RANBP3: variants seen among roughly 807,000 people sequenced by gnomAD.
RANBP3 encodes the protein RAN binding protein 3, also known as ran-binding protein 3.
A neutral mutation model predicts 77.3 loss-of-function variants in RANBP3; 14 were observed. That is an observed-to-expected ratio of 0.18 (90% CI 0.12 to 0.28). The LOEUF (loss-of-function observed/expected upper bound fraction) is 0.28, where lower values mean the gene tolerates loss of function less well. Among genes scored for constraint, RANBP3 ranks in the 10% least tolerant of loss-of-function variants. The pLI, the probability that RANBP3 is intolerant of heterozygous loss-of-function variation, is 1.00. For synonymous variants in RANBP3, 315 were observed against 312.4 expected, an observed-to-expected ratio of 1.01 and a Z score of -0.09; for missense variants, 586 against 752.3, an observed-to-expected ratio of 0.78 and a Z score of 2.59.
At chr19:5,962,133 A>G (rs2058411480) in intron 1 of RANBP3, among the ~76,000 whole-genome samples, 1 of 151,846 alleles carries the variant, frequency 6.6e-6, no homozygotes, top group African/African-American at 2.4e-5. Flanking sequence ...ACACCGCATC[A>G]ACACCCTGCA....
At chr19:5,974,103 T>C (rs1202760965) in intron 1 of RANBP3, among the ~76,000 whole-genome samples, 1 of 151,338 alleles carries the variant, frequency 6.6e-6, no homozygotes, top group Non-Finnish European at 1.5e-5. Flanking sequence ...TGAGGGGAGG[T>C]GTGTGCTACT....
intron 3 of RANBP3, among the ~76,000 whole-genome samples, chr19:5,946,329 T>C (rs559661860): frequency 2.0e-5 from 3 of 152,200 alleles, no homozygotes; most frequent in African/African-American, 7.2e-5. Context: ...TCCTCCACCA[T>C]GTCCCCTTCA....
At chr19:5,967,773 C>G (rs1048233884) in intron 1 of RANBP3, among the ~76,000 whole-genome samples, 14 of 152,194 alleles carry the variant, frequency 9.2e-5, no homozygotes, top group African/African-American at 2.9e-4. Context: ...GTAATCCCAG[C>G]ACGTTGGGAG....
intron 15 of RANBP3, 109 bp downstream of exon 15, chr19:5,918,387 A>AGGGGGGGGGGGCGGGG: frequency 1.9e-6 from 1 of 529,918 alleles, no homozygotes; most frequent in East Asian, 5.3e-5. Context: ...AAGCAACTGA[A>AGGGGGGGGGGGCGGGG]GCCCCTCCCC....
At chr19:5,928,787 A>G (rs1419199086) in intron 8 of RANBP3, among the ~76,000 whole-genome samples, 1 of 152,166 alleles carries the variant, frequency 6.6e-6, no homozygotes, top group African/African-American at 2.4e-5. Context: ...GTAACTAAAT[A>G]TCCTAAGACC....
Position 5,918,477 on chromosome 19 carries a change from A to G in RANBP3, c.1473+19T>C. 6.6e-7 allele frequency: 1 copy of G among 1,517,424 alleles called. No homozygotes were observed. The highest frequency in any genetic ancestry group is 8.9e-7 in the Non-Finnish European group (1 of 1,125,884). 94.0% of individuals were successfully genotyped at this position (1,517,424 alleles called of 1,614,324 possible). On this transcript the variant is annotated intron_variant, in intron 15 of 16. Coordinates refer to ENST00000340578, the MANE Select transcript of RANBP3 (RefSeq NM_007322.3). ...TGGCAGGATGAGGGGTCCCAGATGC[A>G]CCCGCGTGGCTGGCTCACCGAGATC...
chr19:5,960,873 G>A (rs1345572578), intron 1 of RANBP3, among the ~76,000 whole-genome samples: 1 of 152,224 alleles, frequency 6.6e-6, no homozygotes, highest in Non-Finnish European at 1.5e-5. Flanking sequence ...CCCTCTGATG[G>A]AGCAACCCTG....
At chr19:5,949,327 CTAAAA>C (rs2058246731) in intron 3 of RANBP3, among the ~76,000 whole-genome samples, 2 of 152,206 alleles carry the variant, frequency 1.3e-5, no homozygotes, top group African/African-American at 4.8e-5. Flanking sequence ...CCTAACTAAC[CTAAAA>C]TAAAGTTTAC....
At chr19:5,965,978 C>T (rs560873544) in intron 1 of RANBP3, 4 of 152,302 alleles carry the variant, frequency 2.6e-5, no homozygotes, top group Admixed American at 6.5e-5. Context: ...GAGGTGGGCC[C>T]GGGTCTTCGG....
intron 1 of RANBP3, among the ~76,000 whole-genome samples, chr19:5,975,973 G>A (rs1342476984): frequency 6.6e-6 from 1 of 152,134 alleles, no homozygotes; most frequent in South Asian, 2.1e-4. Flanking sequence ...GGCCCACTAT[G>A]GGCTGAGAAG....
At chr19:5,975,378 T>C (rs769325117) in intron 1 of RANBP3, among the ~76,000 whole-genome samples, 11 of 152,144 alleles carry the variant, frequency 7.2e-5, no homozygotes, top group Non-Finnish European at 1.6e-4. Context: ...CTATCCCATT[T>C]ACAACCAATA....
intron 3 of RANBP3, among the ~76,000 whole-genome samples, chr19:5,948,294 CA>C (rs950264529): frequency 1.3e-5 from 2 of 151,364 alleles, no homozygotes; most frequent in Non-Finnish European, 3.0e-5. Context: ...ACCAAAAATA[CA>C]AAAAAAATTA....
At position 5,951,529 on chromosome 19, in the gene RANBP3, T is replaced by TG; in HGVS notation, c.145dup (p.His49ProfsTer34). ...TGACTCGGGGTGACCCGTGCCATGG[T>TG]GGGGGGCCTCAGCCTCCCCCCGAGG... On this transcript the variant is annotated frameshift_variant, in exon 3 of 17. Coordinates refer to ENST00000340578, the MANE Select transcript of RANBP3 (RefSeq NM_007322.3). LOFTEE classifies it high-confidence loss of function. The TG allele has an allele frequency of 6.2e-7, 1 of 1,612,356 alleles. No homozygotes were observed. The highest frequency in any genetic ancestry group is 8.5e-7 in the Non-Finnish European group (1 of 1,179,104).
chr19:5,967,109 G>A (rs1232764619), intron 1 of RANBP3, among the ~76,000 whole-genome samples: 2 of 152,352 alleles, frequency 1.3e-5, no homozygotes, highest in African/African-American at 4.8e-5. Flanking sequence ...GAATGGAACT[G>A]ATCTCAAACA....
chr19:5,933,720 G>T, intron 5 of RANBP3: 1 of 444,736 alleles, frequency 2.2e-6, no homozygotes, highest in Non-Finnish European at 4.0e-6. Flanking sequence ...CTGACCATGG[G>T]GGCAGGTGGG....
chr19:5,954,745 G>T (rs2058315961), intron 2 of RANBP3, among the ~76,000 whole-genome samples: 1 of 152,216 alleles, frequency 6.6e-6, no homozygotes, highest in Non-Finnish European at 1.5e-5. Flanking sequence ...AAGAGAGAAT[G>T]AAACCATAAA....
chr19:5,917,175 G>C lies in RANBP3; in HGVS notation c.*435C>G, dbSNP rs541878222. The C allele has an allele frequency of 2.0e-3, 503 of 250,076 alleles. 1 individual carries two copies. Among genetic ancestry groups the C allele is most frequent in the Non-Finnish European group, 3.0e-3 (381 of 125,728 alleles). 15.5% of individuals were successfully genotyped at this position (250,076 alleles called of 1,614,324 possible). A position where few individuals can be genotyped will look rare whatever the true frequency, so the allele number is the denominator to read the frequency against. On this transcript the variant is annotated 3_prime_UTR_variant, in exon 17 of 17. Coordinates refer to ENST00000340578, the MANE Select transcript of RANBP3 (RefSeq NM_007322.3). The stretch of plus-strand genomic sequence containing the variant: ...CAGGCCTATAGTTGGGGAGCCCTGG[G>C]CAGGGGCAGAGGGCTGGCTGCTCCC...
In RANBP3 at chr19:5,951,576, GT is replaced by G; in HGVS notation, c.98del (p.Asn33ThrfsTer31). 6.2e-7 allele frequency: 1 copy of G among 1,613,706 alleles called. No homozygotes were observed. ...GAGGCTCCTCTCCCGAATCCGACAA[GT>G]TTTTTTGCTCTGCAGGGGACTGGGA... ...KGQKSPAEQKNLSDSGEEPRG... is the reference protein window; with the variant it reads ...KGQKSPAEQKXLSDSGEEPRG... On this transcript the variant is annotated frameshift_variant, in exon 3 of 17. Coordinates refer to ENST00000340578, the MANE Select transcript of RANBP3 (RefSeq NM_007322.3). LOFTEE classifies it high-confidence loss of function.
intron 12 of RANBP3, 80 bp downstream of exon 12, chr19:5,923,732 C>G: frequency 8.4e-7 from 1 of 1,183,486 alleles, no homozygotes; most frequent in South Asian, 1.3e-5. Flanking sequence ...TTATCCCTCC[C>G]GGCTGGGGGT....
Sources: gnomAD v4.1 joint callset for allele counts (sites outside exome capture counted in the v4.1 genomes callset) on GRCh38, gnomAD v4.1.1 for gene constraint, MANE v1.5 for transcripts, NCBI Gene and HGNC (gene_info 2026-07-23, HGNC 2026-07-21) for gene names.